Variants in PODXL2 observed in about 807,000 individuals in gnomAD.
PODXL2 encodes podocalyxin like 2, also known as podocalyxin-like protein 2.
Under a neutral mutation model 53.4 loss-of-function variants are expected in PODXL2, and 17 were observed. That is an observed-to-expected ratio of 0.32 (90% CI 0.22 to 0.48). The LOEUF (loss-of-function observed/expected upper bound fraction) is 0.48, where lower values mean the gene tolerates loss of function less well. PODXL2 is among the 20% of genes least tolerant of loss of function. The pLI is 0.99. For missense variants in PODXL2, 673 were observed against 760.0 expected (o/e 0.89, Z 1.35); for synonymous variants, 311 against 306.7 (o/e 1.01, Z -0.15).
intron 1 of PODXL2, among the ~76,000 whole-genome samples, chr3:127,630,859 A>G (rs575391371): frequency 4.6e-5 from 7 of 152,316 alleles, no homozygotes; most frequent in South Asian, 4.1e-4. Flanking sequence ...ATAAACATCA[A>G]TTGATTGGTC....
chr3:127,646,543 A>G lies in PODXL2; in HGVS notation c.349+7020A>G, dbSNP rs556773260. Among the ~76,000 whole-genome samples, 104 of 152,194 alleles carry G rather than the reference A, an allele frequency of 6.8e-4. 1 individual carries two copies. The highest frequency in any genetic ancestry group is 2.4e-3 in the African/African-American group (101 of 41,522). ...GCTGGGATTACAGGGGTGCACCACTATGCCTAGCTAATTTTTGTATTTTTA... is the reference window on the plus strand; with the variant it reads ...GCTGGGATTACAGGGGTGCACCACTGTGCCTAGCTAATTTTTGTATTTTTA... On this transcript the variant is annotated intron_variant, in intron 2 of 7. Coordinates refer to ENST00000342480, the MANE Select transcript of PODXL2 (RefSeq NM_015720.4).
chr3:127,634,559 C>G (rs991772579), intron 1 of PODXL2, among the ~76,000 whole-genome samples: 29 of 149,772 alleles, frequency 1.9e-4, no homozygotes, highest in Non-Finnish European at 2.4e-4. Flanking sequence ...TCTATCTCTA[C>G]TAAAAATAAA....
Position 127,629,270 on chromosome 3 carries a change from G to A in PODXL2, c.51G>A (p.Leu17=). 9.8e-7 allele frequency: 1 copy of A among 1,017,082 alleles called. No homozygotes were observed. Among genetic ancestry groups the A allele is most frequent in the Non-Finnish European group, 1.2e-6 (1 of 850,602 alleles). The allele number at this position is 1,017,082 out of a possible 1,614,324, so 63.0% of individuals were successfully genotyped here. Residue 17 remains leucine (L), a synonymous_variant, in exon 1 of 8, where the codon CTG becomes CTA. Transcript: ENST00000342480. The surrounding 1 kb of genome is among the most constrained non-coding windows in gnomAD (Gnocchi z 6.4). ...AARLPPLLSP[L]LLLLVGGAFL... is the part of the protein sequence containing the mutation. The stretch of plus-strand genomic sequence containing the variant: ...GGCTGCCGCCGCTGCTTTCGCCGCT[G>A]CTGCTTCTGCTGGTTGGGGGTGAGT...
chr3:127,629,421 G>A lies in PODXL2; in HGVS notation c.70+132G>A. The A allele has an allele frequency of 1.4e-6, 1 of 714,826 alleles. No individual in the cohort carries two copies. Among genetic ancestry groups the A allele is most frequent in the South Asian group, 6.1e-5 (1 of 16,308 alleles). The allele number at this position is 714,826 out of a possible 1,614,324, so 44.3% of individuals were successfully genotyped here. ...GGAGCGCGCGTGTCCCGGCCGGGCC[G>A]CGGCGCCGCCCCGACACACGCGCAC... On this transcript the variant is annotated intron_variant, in intron 1 of 7. Transcript: ENST00000342480. The surrounding 1 kb of genome is among the most constrained non-coding windows in gnomAD (Gnocchi z 6.4).
intron 6 of PODXL2, among the ~76,000 whole-genome samples, chr3:127,670,119 C>T (rs968926323): frequency 2.0e-5 from 3 of 152,170 alleles, no homozygotes; most frequent in Non-Finnish European, 4.4e-5. Context: ...CCACTGAGCA[C>T]CACACTGTGC....
Position 127,662,323 on chromosome 3 carries a change from G to C in PODXL2, c.1206+12G>C. 1 of 1,609,714 alleles carries C rather than the reference G, an allele frequency of 6.2e-7. No homozygotes were observed. ...AGAACATAGACTGTGTGAGTGCCCA[G>C]CCAGGCTCCGAACCGCAGGGAAAGG... On this transcript the variant is annotated intron_variant, in intron 4 of 7. Transcript: ENST00000342480.
intron 2 of PODXL2, among the ~76,000 whole-genome samples, chr3:127,656,344 C>G (rs1329101331): frequency 3.3e-5 from 5 of 152,338 alleles, no homozygotes; most frequent in African/African-American, 9.6e-5. Flanking sequence ...AATCCTGGAA[C>G]TTTGGCAGGC....
intron 1 of PODXL2, among the ~76,000 whole-genome samples, chr3:127,637,326 C>G (rs1008679526): frequency 6.6e-6 from 1 of 152,226 alleles, no homozygotes; most frequent in Non-Finnish European, 1.5e-5. Context: ...TTATTCACAT[C>G]AACCTTTTGT....
intron 4 of PODXL2, among the ~76,000 whole-genome samples, chr3:127,664,149 A>C (rs1312251475): frequency 6.6e-6 from 1 of 152,128 alleles, no homozygotes; most frequent in Non-Finnish European, 1.5e-5. Context: ...CCTGTTCCCC[A>C]GTCCCGGCAC....
intron 2 of PODXL2, among the ~76,000 whole-genome samples, chr3:127,651,641 T>C (rs1167955219): frequency 6.6e-6 from 1 of 152,210 alleles, no homozygotes; most frequent in Non-Finnish European, 1.5e-5. Context: ...TGAGGCCTCG[T>C]CAGGTAGCCT....
At chr3:127,643,372 A>T (rs951709443) in intron 2 of PODXL2, among the ~76,000 whole-genome samples, 13 of 151,992 alleles carry the variant, frequency 8.6e-5, no homozygotes, top group Admixed American at 1.3e-4. Context: ...CACCACGCCC[A>T]GCTAATTTTG....
chr3:127,666,056 T>C (rs1331805052), intron 4 of PODXL2: 1 of 362,808 alleles, frequency 2.8e-6, no homozygotes, highest in Non-Finnish European at 5.5e-6. Context: ...GATATACATA[T>C]ATCATGTATA....
chr3:127,650,457 G>T (rs2074681530), intron 2 of PODXL2, among the ~76,000 whole-genome samples: 1 of 152,140 alleles, frequency 6.6e-6, no homozygotes, highest in African/African-American at 2.4e-5. Flanking sequence ...CCCATCACAG[G>T]GGGCGCGGGA....
intron 1 of PODXL2, 103 bp from the exon 2 acceptor site, chr3:127,639,142 C>T: frequency 6.7e-6 from 8 of 1,199,416 alleles, no homozygotes; most frequent in Non-Finnish European, 9.3e-6. Flanking sequence ...ACTGAAGTCC[C>T]CCCTTCCCCA....
rs34980487 is a variant in PODXL2, at chr3:127,661,105, C to T, written c.1077C>T (p.Leu359=). 11,779 of 1,614,160 alleles carry T rather than the reference C, an allele frequency of 7.3e-3. 70 individuals carry two copies. The highest frequency in any genetic ancestry group is 8.0e-3 in the Non-Finnish European group (9,441 of 1,180,016). The change falls in exon 3 of 8, where the codon CTC becomes CTT. Residue 359 remains leucine, a synonymous_variant. Transcript: ENST00000342480. ...GACAAGAAGATCTCAACCAGCAGCT[C>T]CTAGAAGGGCAGGCAGCTGAAGCTC... ...TLGQEDLNQQ[L]LEGQAAEAQS...
intron 6 of PODXL2, 144 bp downstream of exon 6, chr3:127,669,346 G>T: frequency 1.6e-6 from 1 of 621,322 alleles, no homozygotes. Context: ...CTTGCTTCAG[G>T]CCTCCCTTAG....
intron 1 of PODXL2, among the ~76,000 whole-genome samples, chr3:127,636,897 CA>C (rs1053511135): frequency 6.6e-6 from 1 of 152,164 alleles, no homozygotes; most frequent in African/African-American, 2.4e-5. Context: ...CATCTTGGTT[CA>C]CTGCAATCTC....
At chr3:127,664,898 T>C (rs765214231) in intron 4 of PODXL2, among the ~76,000 whole-genome samples, 7 of 152,216 alleles carry the variant, frequency 4.6e-5, no homozygotes, top group Non-Finnish European at 8.8e-5. Context: ...ACATACTTAT[T>C]AGTTTCTTTG....
intron 1 of PODXL2, among the ~76,000 whole-genome samples, chr3:127,631,573 G>C (rs945672846): frequency 5.9e-5 from 9 of 152,136 alleles, no homozygotes; most frequent in African/African-American, 9.7e-5. Flanking sequence ...AATTATAGGT[G>C]CTAGAGGGAA....
Sources: allele counts gnomAD v4.1 joint callset (sites outside exome capture counted in the v4.1 genomes callset), GRCh38; gene constraint gnomAD v4.1.1; non-coding constraint Gnocchi (gnomAD v3.1); transcripts MANE v1.5; gene names NCBI Gene and HGNC (gene_info 2026-07-23, HGNC 2026-07-21).